Variants in ZNF608 observed in about 807,000 individuals in gnomAD.
ZNF608 encodes the protein renal carcinoma antigen NY-REN-36.
ZNF608 carries 12 observed loss-of-function variants against 109.0 expected under a neutral mutation model. The observed-to-expected ratio is 0.11, with a 90% CI of 0.07 to 0.18. ZNF608 has a LOEUF of 0.18. Among genes scored for constraint, ZNF608 ranks in the 10% least tolerant of loss-of-function variants. The pLI, the probability that ZNF608 is intolerant of heterozygous loss-of-function variation, is 1.00. For missense variants in ZNF608, 1,707 were observed against 1,879.3 expected, an observed-to-expected ratio of 0.91 and a Z score of 1.70; for synonymous variants, 732 against 717.4, an observed-to-expected ratio of 1.02 and a Z score of -0.33.
At chr5:124,731,310 A>G (rs987237109) in intron 2 of ZNF608, among the ~76,000 whole-genome samples, 2 of 152,120 alleles carry the variant, frequency 1.3e-5, no homozygotes, top group Non-Finnish European at 2.9e-5. Context: ...TCCCGGGTTC[A>G]AGCGATTCTC....
chr5:124,693,974 C>CT lies in ZNF608; in HGVS notation c.1162+7039dup, dbSNP rs746610497. On this transcript the variant is annotated intron_variant, in intron 3 of 9. Coordinates refer to ENST00000513986, the MANE Select transcript of ZNF608 (RefSeq NM_020747.3). Reference sequence around the variant, plus strand: ...GTGAAGCTGGTAACATTTCATTAATCTTTTTTTTTTTTTTTTTTTGAGAGA... The same window carrying CT: ...GTGAAGCTGGTAACATTTCATTAATCTTTTTTTTTTTTTTTTTTTTGAGAGA... Among the ~76,000 whole-genome samples the CT allele has an allele frequency of 9.6e-3, 585 of 60,958 alleles. 120 individuals are homozygous for CT. Among genetic ancestry groups the CT allele is most frequent in the African/African-American group, 0.013 (168 of 13,220 alleles). 40.0% of individuals were successfully genotyped at this position (60,958 alleles called of 152,430 possible).
intron 3 of ZNF608, among the ~76,000 whole-genome samples, chr5:124,694,042 C>T (rs1752734606): frequency 1.7e-5 from 2 of 120,110 alleles, no homozygotes; most frequent in Non-Finnish European, 3.2e-5. Flanking sequence ...GTGGCGCGAT[C>T]TCGGCTCACT....
At chr5:124,670,115 G>T (rs1261078869) in intron 3 of ZNF608, among the ~76,000 whole-genome samples, 1 of 152,132 alleles carries the variant, frequency 6.6e-6, no homozygotes, top group Non-Finnish European at 1.5e-5. Flanking sequence ...TTTAAAGAAA[G>T]AATTATTTTA....
At chr5:124,703,919 T>C (rs62370807) in intron 2 of ZNF608, among the ~76,000 whole-genome samples, 4 of 150,838 alleles carry the variant, frequency 2.7e-5, no homozygotes, top group Non-Finnish European at 4.4e-5. Context: ...CACACACCCC[T>C]CTCTCTCTCT....
At chr5:124,723,178 G>A (rs537866642) in intron 2 of ZNF608, among the ~76,000 whole-genome samples, 1 of 151,816 alleles carries the variant, frequency 6.6e-6, no homozygotes, top group Non-Finnish European at 1.5e-5. Context: ...TTACAGGCAC[G>A]CGACACCACT....
rs1280294242 is a variant in ZNF608, at chr5:124,744,959, C to A, written c.31G>T (p.Gly11Cys). ...GTATCAACTGTATTTGGATCCACAC[C>A]TTTTCCTGCAGTAGAAATGTTCACT... Reference protein sequence around the residue: MSVNISTAGKGVDPNTVDTYD... With the variant: MSVNISTAGKCVDPNTVDTYD... The change falls in exon 2 of 10, where the codon GGT (glycine) becomes TGT (cysteine). Residue 11 changes from glycine to cysteine, a missense_variant. Transcript: ENST00000513986. This position sits in a 1 kb window ranked among gnomAD's most constrained non-coding sequence, Gnocchi z 4.5. The A allele has an allele frequency of 1.9e-6, 3 of 1,612,826 alleles. No homozygotes were observed. Among genetic ancestry groups the A allele is most frequent in the Non-Finnish European group, 2.5e-6 (3 of 1,179,342 alleles).
At chr5:124,748,487 TC>T, upstream of ZNF608, 1 of 967,344 alleles carries the variant, frequency 1.0e-6, no homozygotes, top group Non-Finnish European at 1.2e-6. Flanking sequence ...CTGCATGAAG[TC>T]CCCGCTAAGT....
intron 3 of ZNF608, among the ~76,000 whole-genome samples, chr5:124,697,590 T>C (rs1752901324): frequency 2.0e-5 from 3 of 152,220 alleles, no homozygotes. Context: ...TTAGGCATGA[T>C]CTGAAACCCA....
chr5:124,657,532 G>A (rs942107625), intron 3 of ZNF608, among the ~76,000 whole-genome samples: 5 of 151,970 alleles, frequency 3.3e-5, no homozygotes, highest in East Asian at 1.9e-4. Context: ...AAAAATAGCC[G>A]GGCCTGGTGG....
At chr5:124,710,551 T>A in intron 2 of ZNF608, 1 of 240,254 alleles carries the variant, frequency 4.2e-6, no homozygotes, top group South Asian at 5.2e-5. Context: ...CAATTTTGAC[T>A]CCCTGTACAG....
chr5:124,703,441 A>G (rs1753135769), intron 2 of ZNF608, among the ~76,000 whole-genome samples: 1 of 151,996 alleles, frequency 6.6e-6, no homozygotes, highest in Admixed American at 6.6e-5. Flanking sequence ...GAGTCATTCA[A>G]CCTCTCTGAG....
At chr5:124,645,550 G>A (rs775959316) in intron 5 of ZNF608, among the ~76,000 whole-genome samples, 86 of 152,184 alleles carry the variant, frequency 5.7e-4, no homozygotes, top group Non-Finnish European at 1.0e-3. Flanking sequence ...ATGCACCAGG[G>A]ATTATCTAAG....
chr5:124,661,810 T>C (rs1459914477), intron 3 of ZNF608, among the ~76,000 whole-genome samples: 2 of 152,216 alleles, frequency 1.3e-5, no homozygotes, highest in East Asian at 3.8e-4. Context: ...CAGCTAACCT[T>C]TCTCTGCAAA....
At chr5:124,731,355 T>C (rs569080082) in intron 2 of ZNF608, among the ~76,000 whole-genome samples, 55 of 152,110 alleles carry the variant, frequency 3.6e-4, no homozygotes, top group Non-Finnish European at 5.9e-4. Context: ...GGGTTATAGG[T>C]GCGAACCACC....
At chr5:124,695,860 G>C (rs919824904) in intron 3 of ZNF608, among the ~76,000 whole-genome samples, 1 of 151,968 alleles carries the variant, frequency 6.6e-6, no homozygotes, top group African/African-American at 2.4e-5. Context: ...AGAAGCAGAA[G>C]AATTTTAGAA....
chr5:124,724,733 A>G (rs996911911), intron 2 of ZNF608, among the ~76,000 whole-genome samples: 6 of 152,208 alleles, frequency 3.9e-5, no homozygotes, highest in African/African-American at 9.7e-5. Context: ...ACTCTCTGAA[A>G]AAGGACTCAG....
At chr5:124,742,208 G>C (rs1022082088) in intron 2 of ZNF608, among the ~76,000 whole-genome samples, 11 of 152,184 alleles carry the variant, frequency 7.2e-5, no homozygotes, top group African/African-American at 2.7e-4. Context: ...ACAAAAACTG[G>C]AGAAACGACA....
chr5:124,654,748 CA>C (rs1176986493), intron 3 of ZNF608, among the ~76,000 whole-genome samples: 1 of 152,202 alleles, frequency 6.6e-6, no homozygotes, highest in Non-Finnish European at 1.5e-5. Flanking sequence ...AGGCCTGGCC[CA>C]TAAGAACCTC....
chr5:124,647,432 T>G lies in ZNF608; in HGVS notation c.2952A>C (p.Ala984=), dbSNP rs747119014. 4 of 1,614,122 alleles carry G rather than the reference T, an allele frequency of 2.5e-6. No homozygotes were observed. Among genetic ancestry groups the G allele is most frequent in the Non-Finnish European group, 3.4e-6 (4 of 1,180,058 alleles). Residue 984 remains alanine (A), a synonymous_variant, in exon 5 of 10, where the codon GCA becomes GCC. Coordinates refer to ENST00000513986, the MANE Select transcript of ZNF608 (RefSeq NM_020747.3). ...GGGACTCTTTCAGTTGAGATGATTG[T>G]GCTGTAGTTGAAGAATGCCCTTTTA... ...SVVKGHSSTT[A]QSSQLKESHS...
Sources: gnomAD v4.1 joint callset for allele counts (sites outside exome capture counted in the v4.1 genomes callset) on GRCh38, gnomAD v4.1.1 for gene constraint, Gnocchi (gnomAD v3.1) non-coding constraint, MANE v1.5 for transcripts, NCBI Gene and HGNC (gene_info 2026-07-23, HGNC 2026-07-21) for gene names.